The following RPF2 variants were observed in gnomAD, a reference collection of about 807,000 sequenced individuals.
The protein encoded by RPF2 is ribosome production factor 2 homolog, also known as brix domain containing 1.
RPF2 carries 21 observed loss-of-function variants against 38.9 expected under a neutral mutation model. The ratio of observed to expected loss-of-function variants is 0.54; its 90% CI spans 0.38 to 0.78. The LOEUF (loss-of-function observed/expected upper bound fraction) is 0.78. Among genes scored for constraint, RPF2 ranks in the 30% least tolerant of loss-of-function variants. The pLI, the probability that RPF2 is intolerant of heterozygous loss-of-function variation, is 0.00. For synonymous variants in RPF2, 121 were observed against 126.2 expected (o/e 0.96, Z 0.28); for missense variants, 314 against 358.1 (o/e 0.88, Z 0.99).
chr6:110,990,675 C>G (rs907896999), intron 3 of RPF2, among the ~76,000 whole-genome samples: 2 of 151,432 alleles, frequency 1.3e-5, no homozygotes, highest in Non-Finnish European at 2.9e-5. Flanking sequence ...ACCTCTGGCT[C>G]CTGGGTTCAA....
At chr6:111,018,177 C>G (rs1052258663) in intron 8 of RPF2, among the ~76,000 whole-genome samples, 2 of 128,182 alleles carry the variant, frequency 1.6e-5, no homozygotes, top group Admixed American at 8.8e-5. Flanking sequence ...AGTCCAGCTT[C>G]GGCTCGGCAT....
intron 3 of RPF2, among the ~76,000 whole-genome samples, chr6:110,990,852 C>T (rs1291220239): frequency 1.3e-5 from 2 of 152,198 alleles, no homozygotes; most frequent in Non-Finnish European, 1.5e-5. Context: ...GGATTACAGG[C>T]GTGAGCCACT....
In RPF2 at chr6:111,010,114, AT is replaced by A. The variant is rs1165544491; in HGVS notation, c.493+1990del. 4.6e-3 allele frequency among the ~76,000 whole-genome samples: 630 copies of A among 138,376 alleles called. 3 individuals are homozygous for A. Among genetic ancestry groups the A allele is most frequent in the African/African-American group, 6.1e-3 (227 of 37,518 alleles). 90.8% of individuals were successfully genotyped at this position (138,376 alleles called of 152,430 possible). A position where few individuals can be genotyped will look rare whatever the true frequency, so the allele number is the denominator to read the frequency against. Reference sequence around the variant, plus strand: ...CTTGGGTCTGTCTCTCTGTCCCTCAATTTTTTTTTTTTTCTTTTTTTTTTTT... The same window carrying A: ...CTTGGGTCTGTCTCTCTGTCCCTCAATTTTTTTTTTTTCTTTTTTTTTTTT... On this transcript the variant is annotated intron_variant, in intron 7 of 9. Transcript: ENST00000441448.
chr6:111,024,429 A>C (rs1355257357), intron 9 of RPF2, 102 bp downstream of exon 9: 1 of 1,222,010 alleles, frequency 8.2e-7, no homozygotes, highest in Non-Finnish European at 1.1e-6. Context: ...AAAGACAAGG[A>C]CAGGCCAGGC....
intron 3 of RPF2, among the ~76,000 whole-genome samples, chr6:110,989,882 C>A (rs756364557): frequency 6.6e-6 from 1 of 152,014 alleles, no homozygotes; most frequent in Non-Finnish European, 1.5e-5. Context: ...CTTGGCCTCC[C>A]GAAGTGATGG....
At chr6:111,006,922 A>G (rs1374280490) in intron 6 of RPF2, among the ~76,000 whole-genome samples, 1 of 152,134 alleles carries the variant, frequency 6.6e-6, no homozygotes, top group Non-Finnish European at 1.5e-5. Flanking sequence ...AAAAATACAA[A>G]ATTAGCCAGG....
rs1278083051 is a variant in RPF2, at chr6:111,026,210, G to T, written c.*628G>T. ...TCTGAGACGAAACCTGTGTTTTTTGGTTGGTTTGTTTTTAAGAGATGGGGT... is the reference window on the plus strand; with the variant it reads ...TCTGAGACGAAACCTGTGTTTTTTGTTTGGTTTGTTTTTAAGAGATGGGGT... On this transcript the variant is annotated 3_prime_UTR_variant, in exon 10 of 10. Transcript: ENST00000441448. The T allele has an allele frequency of 1.3e-5, 2 of 152,364 alleles. No homozygotes were observed. The highest frequency in any genetic ancestry group is 4.2e-4 in the South Asian group (2 of 4,818). 9.4% of individuals were successfully genotyped at this position (152,364 alleles called of 1,614,324 possible). A position where few individuals can be genotyped will look rare whatever the true frequency, so the allele number is the denominator to read the frequency against.
chr6:110,985,236 C>A, intron 2 of RPF2, 98 bp downstream of exon 2: 3 of 1,077,428 alleles, frequency 2.8e-6, no homozygotes, highest in South Asian at 1.8e-5. Flanking sequence ...GATAAGCTTG[C>A]CTTACCATAA....
At position 111,020,007 on chromosome 6, in the gene RPF2, C is replaced by T. The variant is rs540816200; in HGVS notation, c.596+4151C>T. Among the ~76,000 whole-genome samples the T allele has an allele frequency of 5.9e-5, 9 of 151,982 alleles. No homozygotes were observed. In the South Asian group the frequency reaches 6.2e-4, roughly 11 times the overall value. On this transcript the variant is annotated intron_variant, in intron 8 of 9. Coordinates refer to ENST00000441448, the MANE Select transcript of RPF2 (RefSeq NM_032194.3). ...TCAGCTCACTTCAGCCTCTGCCTCC[C>T]GGGTTCATGCCATTCTCCTGCCTCA...
intron 7 of RPF2, among the ~76,000 whole-genome samples, chr6:111,014,222 C>T (rs746740994): frequency 1.3e-5 from 2 of 151,474 alleles, no homozygotes; most frequent in Non-Finnish European, 1.5e-5. Flanking sequence ...CTGCAATCTC[C>T]GCCTCCCAGG....
intron 6 of RPF2, among the ~76,000 whole-genome samples, chr6:111,004,712 G>C (rs1356091804): frequency 6.6e-6 from 1 of 151,956 alleles, no homozygotes; most frequent in Non-Finnish European, 1.5e-5. Context: ...CCAAGTAGCT[G>C]GTTGAGCCAC....
chr6:110,995,990 G>A (rs1045084962), intron 4 of RPF2, among the ~76,000 whole-genome samples: 18 of 151,912 alleles, frequency 1.2e-4, no homozygotes, highest in Non-Finnish European at 2.2e-4. Flanking sequence ...CTAATTTTTT[G>A]TATTTTTCTT....
intron 8 of RPF2, among the ~76,000 whole-genome samples, chr6:111,016,677 T>TG: frequency 7.7e-6 from 1 of 129,604 alleles, no homozygotes; most frequent in African/African-American, 3.2e-5. Context: ...GTTCTTTTTT[T>TG]TTTTTCTTTC....
At chr6:110,990,559 A>ACCCC (rs34703789) in intron 3 of RPF2, among the ~76,000 whole-genome samples, 46 of 77,330 alleles carry the variant, frequency 5.9e-4, no homozygotes, top group Admixed American at 9.0e-4. Flanking sequence ...GCAATTGGGA[A>ACCCC]CCCCCCCCCC....
intron 8 of RPF2, among the ~76,000 whole-genome samples, chr6:111,017,262 G>A (rs1772134848): frequency 6.6e-6 from 1 of 151,580 alleles, no homozygotes; most frequent in African/African-American, 2.4e-5. Flanking sequence ...GGGTGGCCGG[G>A]CAGAGGTGCC....
intron 7 of RPF2, among the ~76,000 whole-genome samples, chr6:111,011,666 T>A (rs747404666): frequency 2.2e-4 from 33 of 152,218 alleles, no homozygotes; most frequent in Non-Finnish European, 4.0e-4. Flanking sequence ...TGACCTAGAT[T>A]TTCTGCCTTT....
intron 7 of RPF2, among the ~76,000 whole-genome samples, chr6:111,014,072 G>A (rs1772063932): frequency 6.6e-6 from 1 of 150,866 alleles, no homozygotes; most frequent in Non-Finnish European, 1.5e-5. Flanking sequence ...AGAGGAGGGT[G>A]GTGTATAAAT....
At chr6:111,012,621 C>T (rs1019255643) in intron 7 of RPF2, among the ~76,000 whole-genome samples, 1 of 152,060 alleles carries the variant, frequency 6.6e-6, no homozygotes, top group South Asian at 2.1e-4. Context: ...TACCAAGTGG[C>T]ATATTAAAGT....
chr6:111,012,696 GT>G (rs1314788174), intron 7 of RPF2, among the ~76,000 whole-genome samples: 5 of 151,966 alleles, frequency 3.3e-5, no homozygotes, highest in Admixed American at 3.3e-4. Context: ...TTGAAATGGA[GT>G]CTCACTCTGT....
Sources: gnomAD v4.1 joint callset for allele counts (sites outside exome capture counted in the v4.1 genomes callset) on GRCh38, gnomAD v4.1.1 for gene constraint, MANE v1.5 for transcripts, NCBI Gene and HGNC (gene_info 2026-07-23, HGNC 2026-07-21) for gene names.